Variants in ARMC3 observed in about 807,000 individuals in gnomAD.
The protein encoded by ARMC3 is armadillo repeat-containing protein 3.
Under a neutral mutation model 90.3 loss-of-function variants are expected in ARMC3, and 74 were observed. The ratio of observed to expected loss-of-function variants is 0.82; its 90% CI spans 0.68 to 0.99. The LOEUF (loss-of-function observed/expected upper bound fraction) is 0.99, where lower values mean the gene tolerates loss of function less well. Among genes scored for constraint, ARMC3 ranks in the 50% least tolerant of loss-of-function variants. The pLI is 0.00. For missense variants in ARMC3, 958 were observed against 1,042.8 expected (o/e 0.92, Z 1.12); for synonymous variants, 334 against 361.8 (o/e 0.92, Z 0.87).
intron 8 of ARMC3, among the ~76,000 whole-genome samples, chr10:22,968,942 T>C (rs1429524695): frequency 6.6e-6 from 1 of 152,218 alleles, no homozygotes; most frequent in Non-Finnish European, 1.5e-5. Context: ...TCACTTCCAA[T>C]GAGTTAGAGA....
rs1038247747 is a variant in ARMC3, at chr10:23,037,999, T to C, written c.*520T>C. 2.6e-5 allele frequency: 4 copies of C among 152,270 alleles called. No homozygotes were observed. The highest frequency in any genetic ancestry group is 9.6e-5 in the African/African-American group (4 of 41,468). The allele number at this position is 152,270 out of a possible 1,614,324, so 9.4% of individuals were successfully genotyped here. ...CAAATTCCTTTCTAAAAATTTTTGT[T>C]TCTATTTTTAAAAATTCATCATTAA... On this transcript the variant is annotated 3_prime_UTR_variant, in exon 19 of 19. Coordinates refer to ENST00000298032, the MANE Select transcript of ARMC3 (RefSeq NM_173081.5).
Position 22,956,188 on chromosome 10 carries a change from A to G in ARMC3, c.292+256A>G, listed in dbSNP as rs576232095. On this transcript the variant is annotated intron_variant, in intron 4 of 18. Transcript: ENST00000298032. ...GTGATGTAGTCCTACAAGCTGAGAGAGCAATCATTTTCTCTTAAAATTATT... is the reference window on the plus strand; with the variant it reads ...GTGATGTAGTCCTACAAGCTGAGAGGGCAATCATTTTCTCTTAAAATTATT... Among the ~76,000 whole-genome samples, 13 of 152,340 alleles carry G rather than the reference A, an allele frequency of 8.5e-5. No individual in the cohort carries two copies. In the South Asian group the frequency reaches 2.7e-3, roughly 32 times the overall value.
chr10:23,010,968 C>G (rs1466307762), intron 16 of ARMC3, among the ~76,000 whole-genome samples: 1 of 133,828 alleles, frequency 7.5e-6, no homozygotes, highest in Admixed American at 7.6e-5. Context: ...TTCTTCCCTT[C>G]CCTCTTCTCT....
At chr10:22,935,930 C>T (rs1834091805) in intron 2 of ARMC3, among the ~76,000 whole-genome samples, 1 of 152,062 alleles carries the variant, frequency 6.6e-6, no homozygotes, top group Admixed American at 6.6e-5. Context: ...CTGTCTTTTC[C>T]TACACAATTA....
chr10:22,947,358 G>C (rs972744820), intron 3 of ARMC3, among the ~76,000 whole-genome samples: 1 of 151,172 alleles, frequency 6.6e-6, no homozygotes, highest in African/African-American at 2.4e-5. Context: ...ACCACCAACT[G>C]TGATAAGTCC....
intron 3 of ARMC3, among the ~76,000 whole-genome samples, chr10:22,947,574 G>A (rs1834583315): frequency 6.6e-6 from 1 of 152,116 alleles, no homozygotes; most frequent in South Asian, 2.1e-4. Context: ...ACATAATGGA[G>A]GCATAATGAG....
intron 16 of ARMC3, among the ~76,000 whole-genome samples, chr10:23,029,103 T>G (rs1417148348): frequency 6.6e-6 from 1 of 152,178 alleles, no homozygotes; most frequent in African/African-American, 2.4e-5. Context: ...ACAGGATTCC[T>G]TATGGGCTTA....
chr10:23,009,008 T>A, intron 16 of ARMC3, 77 bp downstream of exon 16: 1 of 1,146,874 alleles, frequency 8.7e-7, no homozygotes, highest in Non-Finnish European at 1.3e-6. Context: ...TAGGAAGCTT[T>A]CTTCTGACAT....
chr10:23,034,360 CA>C (rs1447294057), intron 18 of ARMC3, among the ~76,000 whole-genome samples: 3 of 152,194 alleles, frequency 2.0e-5, no homozygotes, highest in Non-Finnish European at 4.4e-5. Context: ...TGACTAACAT[CA>C]TTTTGAACTA....
chr10:22,957,757 A>T (rs931716396), intron 4 of ARMC3, among the ~76,000 whole-genome samples: 1 of 152,324 alleles, frequency 6.6e-6, no homozygotes, highest in South Asian at 2.1e-4. Context: ...AATTTATCAC[A>T]AGGATTATCT....
At chr10:22,971,332 G>A (rs11013216) in intron 8 of ARMC3, among the ~76,000 whole-genome samples, 3,577 of 151,874 alleles carry the variant, frequency 0.024, 136 homozygotes, top group African/African-American at 0.082. Flanking sequence ...TGTGAATAAT[G>A]TTGCTAAGAA....
chr10:22,950,950 T>C (rs1218335384), intron 3 of ARMC3, among the ~76,000 whole-genome samples: 1 of 151,688 alleles, frequency 6.6e-6, no homozygotes, highest in Non-Finnish European at 1.5e-5. Context: ...TTTTTTTTTT[T>C]TTTTTGAGAC....
At chr10:22,985,046 ATTTT>A (rs535085393) in intron 10 of ARMC3, among the ~76,000 whole-genome samples, 1,443 of 83,516 alleles carry the variant, frequency 0.017, 30 homozygotes, top group African/African-American at 0.067. Flanking sequence ...TTAATTTTTC[ATTTT>A]TTTTTTTTTT....
chr10:23,024,575 G>A (rs1838641169), intron 16 of ARMC3, among the ~76,000 whole-genome samples: 1 of 152,092 alleles, frequency 6.6e-6, no homozygotes. Context: ...AAGGAGGTGA[G>A]GCTTCCATAC....
chr10:22,934,205 T>C (rs778584981), intron 2 of ARMC3, among the ~76,000 whole-genome samples: 26 of 152,238 alleles, frequency 1.7e-4, no homozygotes, highest in Non-Finnish European at 8.8e-5. Context: ...TTTATCAGGC[T>C]TTCCTCTATA....
intron 2 of ARMC3, among the ~76,000 whole-genome samples, chr10:22,939,250 T>C (rs1834227231): frequency 6.6e-6 from 1 of 151,918 alleles, no homozygotes; most frequent in African/African-American, 2.4e-5. Flanking sequence ...CAGGGTAGAG[T>C]ACCAAAAAGA....
Position 23,008,925 on chromosome 10 carries a change from G to A in ARMC3, c.2039G>A (p.Gly680Glu), listed in dbSNP as rs1276546576. 6.2e-7 allele frequency: 1 copy of A among 1,613,072 alleles called. No individual in the cohort carries two copies. Among genetic ancestry groups the A allele is most frequent in the South Asian group, 1.1e-5 (1 of 90,860 alleles). Residue 680 changes from glycine to glutamate, a missense_variant, in exon 16 of 19, where the codon GGA becomes GAA. Physicochemically the swap from Gly to Glu is moderately conservative, Grantham distance 98. Transcript: ENST00000298032. ...AGCAAAAGCGCCACCAAAGAAAAAG[G>A]ATGGAGGTAAGAAAGTGTCCTGAGT... The part of the protein sequence containing the change: ...VLSKSATKEK[G>E]WRKSKGKKEE...
chr10:23,014,125 C>G, intron 16 of ARMC3: 1 of 1,549,718 alleles, frequency 6.5e-7, no homozygotes, highest in Non-Finnish European at 8.7e-7. Flanking sequence ...AAGATAAACC[C>G]TGAAGCACTC....
intron 12 of ARMC3, 76 bp from the exon 13 acceptor site, chr10:23,003,170 A>G (rs1260170987): frequency 1.5e-6 from 2 of 1,334,682 alleles, no homozygotes; most frequent in African/African-American, 2.9e-5. Context: ...TCAGGATCTG[A>G]AGTCGGTATA....
Sources: allele counts gnomAD v4.1 joint callset (sites outside exome capture counted in the v4.1 genomes callset), GRCh38; gene constraint gnomAD v4.1.1; transcripts MANE v1.5; gene names NCBI Gene and HGNC (gene_info 2026-07-23, HGNC 2026-07-21).